The following TENM4 variants were observed in gnomAD, a reference collection of about 807,000 sequenced individuals.
The protein encoded by TENM4 is teneurin transmembrane protein 4.
A neutral mutation model predicts 243.3 loss-of-function variants in TENM4; 82 were observed. The ratio of observed to expected loss-of-function variants is 0.34; its 90% confidence interval spans 0.28 to 0.40. TENM4 has a LOEUF of 0.40. Ranked by LOEUF, TENM4 falls within the 10% of genes least tolerant of loss-of-function variation. The pLI is 1.00. For missense variants in TENM4, 3,138 were observed against 3,673.3 expected (o/e 0.85, Z 3.77); for synonymous variants, 1,412 against 1,456.3 (o/e 0.97, Z 0.69).
rs142373620 is a variant in TENM4 at position 79,143,485 on chromosome 11, T to C, written c.-66+5225A>G. On this transcript the variant is annotated intron_variant, in intron 4 of 33. Coordinates refer to ENST00000278550, the MANE Select transcript of TENM4 (RefSeq NM_001098816.3). ...GGTCGGAATTTAACAATGAGAACAC[T>C]TGGACATAGGGTGGGGAACATCACA... is the stretch of plus-strand genomic sequence containing the variant. Among the ~76,000 whole-genome samples the C allele has an allele frequency of 7.8e-3, 1,189 of 151,928 alleles. 19 individuals carry two copies. Among genetic ancestry groups the C allele is most frequent in the African/African-American group, 0.028 (1,144 of 41,446 alleles).
At chr11:78,732,283 G>C (rs367608570) in intron 21 of TENM4, 33 bp downstream of exon 21, 2 of 1,562,020 alleles carry the variant, frequency 1.3e-6, no homozygotes, top group African/African-American at 2.7e-5. Context: ...TGAAATAAAA[G>C]CATGGTGGAA....
intron 6 of TENM4, among the ~76,000 whole-genome samples, chr11:78,966,942 G>A (rs979738794): frequency 6.6e-6 from 1 of 152,014 alleles, no homozygotes; most frequent in Non-Finnish European, 1.5e-5. Context: ...CTATCTGAAC[G>A]GCAACCCATG....
At chr11:79,180,612 T>TTA (rs1213105670) in intron 3 of TENM4, among the ~76,000 whole-genome samples, 2 of 151,544 alleles carry the variant, frequency 1.3e-5, no homozygotes, top group South Asian at 2.1e-4. Context: ...ATAACTATAC[T>TTA]TATATATATA....
At chr11:79,007,032 AGCAGATG>A (rs1019706859) in intron 6 of TENM4, among the ~76,000 whole-genome samples, 8 of 152,216 alleles carry the variant, frequency 5.3e-5, no homozygotes, top group African/African-American at 1.9e-4. Flanking sequence ...GAAACCCTGC[AGCAGATG>A]GCCTTTGGAC....
intron 1 of TENM4, among the ~76,000 whole-genome samples, chr11:79,403,960 C>T (rs1000994148): frequency 6.6e-6 from 1 of 152,230 alleles, no homozygotes; most frequent in African/African-American, 2.4e-5. Context: ...GAATGACAGT[C>T]AGCATTTGAA....
At chr11:79,406,274 T>G (rs916988947) in intron 1 of TENM4, among the ~76,000 whole-genome samples, 1 of 152,202 alleles carries the variant, frequency 6.6e-6, no homozygotes, top group Non-Finnish European at 1.5e-5. Context: ...TGACTCTTTG[T>G]TTCTGGAATC....
chr11:79,076,967 G>A (rs559996240), intron 4 of TENM4, among the ~76,000 whole-genome samples: 2 of 152,276 alleles, frequency 1.3e-5, no homozygotes, highest in East Asian at 3.9e-4. Context: ...AGATCACGTG[G>A]CTTCCAAGTG....
intron 6 of TENM4, among the ~76,000 whole-genome samples, chr11:79,003,995 A>G (rs1421785070): frequency 1.9e-5 from 1 of 53,674 alleles, no homozygotes; most frequent in Non-Finnish European, 3.4e-5. Flanking sequence ...CTAATTTCAG[A>G]AAAAAAAAAA....
At chr11:79,040,033 TAA>T (rs34900293) in intron 6 of TENM4, among the ~76,000 whole-genome samples, 7 of 142,586 alleles carry the variant, frequency 4.9e-5, no homozygotes, top group South Asian at 4.5e-4. Context: ...GCAAAATGAT[TAA>T]AAAAAAAAAA....
chr11:79,169,691 C>T (rs1010717128), intron 3 of TENM4, among the ~76,000 whole-genome samples: 2 of 152,198 alleles, frequency 1.3e-5, no homozygotes, highest in Non-Finnish European at 2.9e-5. Flanking sequence ...ACCAATTCTG[C>T]TGTGGCCAGA....
chr11:78,886,624 C>T (rs1231587355), intron 9 of TENM4, among the ~76,000 whole-genome samples: 1 of 152,164 alleles, frequency 6.6e-6, no homozygotes, highest in Non-Finnish European at 1.5e-5. Flanking sequence ...CAAGGGTGAG[C>T]AGCTGCTGTG....
chr11:78,928,559 G>T (rs377449093), intron 6 of TENM4, among the ~76,000 whole-genome samples: 3 of 152,204 alleles, frequency 2.0e-5, no homozygotes, highest in Non-Finnish European at 4.4e-5. Flanking sequence ...GGGATAAAGT[G>T]GGGGGTTACA....
chr11:79,288,735 G>T (rs371667752), intron 2 of TENM4, among the ~76,000 whole-genome samples: 11 of 152,278 alleles, frequency 7.2e-5, no homozygotes, highest in African/African-American at 2.6e-4. Flanking sequence ...AATGTAATTT[G>T]CTGTTTGTAT....
chr11:78,816,824 G>C (rs367813386), intron 12 of TENM4, among the ~76,000 whole-genome samples: 1 of 152,196 alleles, frequency 6.6e-6, no homozygotes, highest in Non-Finnish European at 1.5e-5. Flanking sequence ...GCTTAACTGG[G>C]AGAATAAAAT....
intron 1 of TENM4, among the ~76,000 whole-genome samples, chr11:79,356,213 C>T (rs566914166): frequency 3.9e-4 from 59 of 152,314 alleles, no homozygotes; most frequent in Middle Eastern, 3.4e-3. Flanking sequence ...ATTTAAACCT[C>T]TTCTGCAAGA....
At chr11:78,772,836 G>T (rs994880422) in intron 17 of TENM4, among the ~76,000 whole-genome samples, 1 of 152,234 alleles carries the variant, frequency 6.6e-6, no homozygotes, top group Non-Finnish European at 1.5e-5. Context: ...GCCTCGGAGG[G>T]ATTCCTCCAG....
At chr11:79,255,575 C>G (rs7118359) in intron 2 of TENM4, among the ~76,000 whole-genome samples, 1 of 151,992 alleles carries the variant, frequency 6.6e-6, no homozygotes. Flanking sequence ...TTAAAAATGA[C>G]GGCATACAGC....
intron 2 of TENM4, among the ~76,000 whole-genome samples, chr11:79,221,575 T>C (rs1478613055): frequency 6.6e-6 from 1 of 151,934 alleles, no homozygotes; most frequent in Non-Finnish European, 1.5e-5. Context: ...AATGCCCTGT[T>C]CTAGACACTC....
At chr11:79,314,746 A>T (rs1856777181) in intron 1 of TENM4, among the ~76,000 whole-genome samples, 1 of 152,214 alleles carries the variant, frequency 6.6e-6, no homozygotes, top group Non-Finnish European at 1.5e-5. Context: ...AGTAAGACAT[A>T]ATCCATATAC....
Sources: gnomAD v4.1 joint callset for allele counts (sites outside exome capture counted in the v4.1 genomes callset) on GRCh38, gnomAD v4.1.1 for gene constraint, MANE v1.5 for transcripts, NCBI Gene and HGNC (gene_info 2026-07-23, HGNC 2026-07-21) for gene names.